Variants in F2 observed in about 807,000 individuals in gnomAD.
The protein encoded by F2 is coagulation factor II, thrombin, also known as prothrombin.
F2 carries 34 observed loss-of-function variants against 81.9 expected under a neutral mutation model. The observed-to-expected ratio is 0.42, with a 90% CI of 0.32 to 0.55. The LOEUF (loss-of-function observed/expected upper bound fraction) is 0.55, where lower values mean the gene tolerates loss of function less well. Ranked by LOEUF, F2 falls within the 20% of genes least tolerant of loss-of-function variation. F2 has a pLI of 0.18. For missense variants in F2, 630 were observed against 833.4 expected (o/e 0.76, Z 3.00); for synonymous variants, 296 against 326.4 (o/e 0.91, Z 1.01).
chr11:46,720,656 T>G, intron 3 of F2, 109 bp downstream of exon 3: 1 of 1,500,634 alleles, frequency 6.7e-7, no homozygotes, highest in South Asian at 1.1e-5. Context: ...CATCCACCCC[T>G]TCCCCACTCC....
intron 4 of F2, among the ~76,000 whole-genome samples, chr11:46,721,905 C>T (rs1384003306): frequency 2.0e-5 from 3 of 151,370 alleles, no homozygotes; most frequent in South Asian, 2.1e-4. Flanking sequence ...TGCAGCAGCG[C>T]GATCTCGGCT....
rs1283568655 is a variant in F2, at chr11:46,739,253, TTTC to T, written c.1726-5_1726-3del. 2.5e-6 allele frequency: 4 copies of T among 1,613,856 alleles called. No homozygotes were observed. The highest frequency in any genetic ancestry group is 4.5e-5 in the East Asian group (2 of 44,880). On this transcript the variant is annotated splice_polypyrimidine_tract_variant and intron_variant, in intron 13 of 13. Transcript: ENST00000311907. ...ACTTGACTCTATTGGAAACCTCATC[TTTC>T]TTCTTCAGAGCCCCTTTAACAACCG...
rs374039582 is a variant in F2 at position 46,739,342 on chromosome 11, C to T, written c.1803C>T (p.Gly601=). ...GCTGTGACCGGGATGGGAAATATGG[C>T]TTCTACACACATGTGTTCCGCCTGA... ...GEGCDRDGKY[G]FYTHVFRLKK... Residue 601 remains glycine (G), a synonymous_variant, in exon 14 of 14, where the codon GGC becomes GGT. Coordinates refer to ENST00000311907, the MANE Select transcript of F2 (RefSeq NM_000506.5). The T allele has an allele frequency of 3.1e-6, 5 of 1,614,150 alleles. No individual in the cohort carries two copies. In the African/African-American group the frequency reaches 6.7e-5, roughly 22 times the overall value.
intron 12 of F2, among the ~76,000 whole-genome samples, chr11:46,737,127 GA>G (rs1215056868): frequency 6.6e-6 from 1 of 152,084 alleles, no homozygotes; most frequent in East Asian, 1.9e-4. Flanking sequence ...TTTGATTTAT[GA>G]AATTATTAGG....
In F2 at chr11:46,739,307, TG is replaced by T. The variant is rs1263982806; in HGVS notation, c.1772del (p.Gly591ValfsTer19). On this transcript the variant is annotated frameshift_variant, in exon 14 of 14. Transcript: ENST00000311907. LOFTEE classifies it high-confidence loss of function. ...NRWYQMGIVSWGEGCDRDGKY... is the reference protein window; with the variant it reads ...NRWYQMGIVSXGEGCDRDGKY... ...CTGGTATCAAATGGGCATCGTCTCA[TG>T]GGGTGAAGGCTGTGACCGGGATGGG... 1.2e-6 allele frequency: 2 copies of T among 1,614,090 alleles called. No individual in the cohort carries two copies. Among genetic ancestry groups the T allele is most frequent in the African/African-American group, 1.3e-5 (1 of 75,010 alleles).
At chr11:46,720,423 T>C in intron 2 of F2, 100 bp from the exon 3 acceptor site, 1 of 1,384,754 alleles carries the variant, frequency 7.2e-7, no homozygotes, top group Non-Finnish European at 1.0e-6. Context: ...GCCCCCTGCG[T>C]GACCAGGGTA....
At position 46,739,481 on chromosome 11, in the gene F2, T is replaced by A; in HGVS notation, c.*73T>A. On this transcript the variant is annotated 3_prime_UTR_variant, in exon 14 of 14. Coordinates refer to ENST00000311907, the MANE Select transcript of F2 (RefSeq NM_000506.5). ...TATTTTTGTGTTTCTAAAACTATGG[T>A]TCCCAATAAAAGTGACTCTCAGCGA... 6.3e-7 allele frequency: 1 copy of A among 1,597,892 alleles called. No homozygotes were observed. Among genetic ancestry groups the A allele is most frequent in the East Asian group, 2.2e-5 (1 of 44,810 alleles).
Position 46,723,066 on chromosome 11 carries a change from C to A in F2, c.317-114C>A, listed in dbSNP as rs3136522. On this transcript the variant is annotated intron_variant, in intron 4 of 13. Coordinates refer to ENST00000311907, the MANE Select transcript of F2 (RefSeq NM_000506.5). This position sits in a 1 kb window ranked among gnomAD's most constrained non-coding sequence, Gnocchi z 5.6. ...CAGAGGAAGAGGGGCTGGGTGAATG[C>A]AGGTTCAGGATTGTGGACCTGCATG... 2.3e-6 allele frequency: 2 copies of A among 875,930 alleles called. No homozygotes were observed. The highest frequency in any genetic ancestry group is 3.9e-6 in the Non-Finnish European group (2 of 508,342). 54.3% of individuals were successfully genotyped at this position (875,930 alleles called of 1,614,324 possible).
chr11:46,729,536 C>T lies in F2; in HGVS notation c.1629C>T (p.Arg543=). ...TCTGCAAGGACTCCACCCGGATCCG[C>T]ATCACTGACAACATGTTCTGTGCTG... ...RPVCKDSTRI[R]ITDNMFCAGY... Residue 543 remains arginine, a synonymous_variant, in exon 12 of 14, where the codon CGC becomes CGT. Coordinates refer to ENST00000311907, the MANE Select transcript of F2 (RefSeq NM_000506.5). 1 of 1,613,734 alleles carries T rather than the reference C, an allele frequency of 6.2e-7. No homozygotes were observed. The highest frequency in any genetic ancestry group is 8.5e-7 in the Non-Finnish European group (1 of 1,179,692).
chr11:46,739,176 CTCTAGTA>C, intron 13 of F2, 58 bp downstream of exon 13: 2 of 1,613,452 alleles, frequency 1.2e-6, no homozygotes, highest in Non-Finnish European at 1.7e-6. Flanking sequence ...TGGGGAGAAA[CTCTAGTA>C]TCTAGAAACA....
rs370819135 is a variant in F2, at chr11:46,726,505, C to T, written c.882C>T (p.Ala294=). The T allele has an allele frequency of 1.4e-5, 22 of 1,613,502 alleles. No individual in the cohort carries two copies. Among genetic ancestry groups the T allele is most frequent in the African/African-American group, 6.7e-5 (5 of 74,918 alleles). The change falls in exon 8 of 14, where the codon GCC becomes GCT. Residue 294 remains alanine, a synonymous_variant. Transcript: ENST00000311907. This position sits in a 1 kb window ranked among gnomAD's most constrained non-coding sequence, Gnocchi z 5.9. ...GYCDLNYCEE[A]VEEETGDGLD... is the part of the protein sequence containing the mutation. ...GTGCCTGGGTCCCAACAGAGGAGGC[C>T]GTGGAGGAGGAGACAGGAGATGGGC...
chr11:46,729,860 C>T (rs924523019), intron 12 of F2, among the ~76,000 whole-genome samples: 5 of 152,086 alleles, frequency 3.3e-5, no homozygotes, highest in Non-Finnish European at 5.9e-5. Context: ...ATTTATTGAG[C>T]GCCTATCACG....
In F2 at chr11:46,723,633, G is replaced by A. The variant is rs1208938022; in HGVS notation, c.559+115G>A. 3.3e-5 allele frequency: 44 copies of A among 1,340,934 alleles called. No homozygotes were observed. Among genetic ancestry groups the A allele is most frequent in the East Asian group, 2.3e-4 (9 of 39,620 alleles). 83.1% of individuals were successfully genotyped at this position (1,340,934 alleles called of 1,614,324 possible). A position where few individuals can be genotyped will look rare whatever the true frequency, so the allele number is the denominator to read the frequency against. On this transcript the variant is annotated intron_variant, in intron 6 of 13. Transcript: ENST00000311907. This position sits in a 1 kb window ranked among gnomAD's most constrained non-coding sequence, Gnocchi z 5.6. Reference sequence around the variant, plus strand: ...TACCCAGGCACAGTGGCTCATGCCCGTAATCCCAGCACTTTGGGAGGCTGA... The same window carrying A: ...TACCCAGGCACAGTGGCTCATGCCCATAATCCCAGCACTTTGGGAGGCTGA...
In F2 at chr11:46,739,480, G is replaced by T. The variant is rs2064965186; in HGVS notation, c.*72G>T. On this transcript the variant is annotated 3_prime_UTR_variant, in exon 14 of 14. Transcript: ENST00000311907. ...TTATTTTTGTGTTTCTAAAACTATG[G>T]TTCCCAATAAAAGTGACTCTCAGCG... The T allele has an allele frequency of 1.3e-6, 2 of 1,598,904 alleles. No homozygotes were observed. Among genetic ancestry groups the T allele is most frequent in the Non-Finnish European group, 1.7e-6 (2 of 1,170,820 alleles).
chr11:46,734,743 G>A (rs753299049), intron 12 of F2, among the ~76,000 whole-genome samples: 5 of 152,114 alleles, frequency 3.3e-5, no homozygotes, highest in Admixed American at 1.3e-4. Flanking sequence ...CCTGGGAGGC[G>A]GAGGTTGCAG....
At position 46,728,517 on chromosome 11, in the gene F2, A is replaced by G. The variant is rs1353883963; in HGVS notation, c.1299-147A>G. On this transcript the variant is annotated intron_variant, in intron 10 of 13. Transcript: ENST00000311907. The surrounding 1 kb of genome is among the most constrained non-coding windows in gnomAD (Gnocchi z 5.1). ...GCTTTAGGCCCAGGAAGAAACACCC[A>G]GGGGGCTGCCATGGCAGGAACCAGC... 1 of 892,688 alleles carries G rather than the reference A, an allele frequency of 1.1e-6. No individual in the cohort carries two copies. The highest frequency in any genetic ancestry group is 1.5e-5 in the South Asian group (1 of 65,928). The allele number at this position is 892,688 out of a possible 1,614,324, so 55.3% of individuals were successfully genotyped here.
At chr11:46,732,882 G>A (rs948509688) in intron 12 of F2, among the ~76,000 whole-genome samples, 2 of 152,076 alleles carry the variant, frequency 1.3e-5, no homozygotes, top group Non-Finnish European at 2.9e-5. Flanking sequence ...TGTAGTGTTG[G>A]AACCAGCCAT....
Position 46,726,503 on chromosome 11 carries a change from G to T in F2, c.880G>T (p.Ala294Ser), listed in dbSNP as rs760734520. ...CGGTGCCTGGGTCCCAACAGAGGAGGCCGTGGAGGAGGAGACAGGAGATGG... is the reference window on the plus strand; with the variant it reads ...CGGTGCCTGGGTCCCAACAGAGGAGTCCGTGGAGGAGGAGACAGGAGATGG... ...GYCDLNYCEEAVEEETGDGLD... is the reference protein window; with the variant it reads ...GYCDLNYCEESVEEETGDGLD... Residue 294 changes from alanine (A) to serine (S), a missense_variant, in exon 8 of 14, where the codon GCC becomes TCC. By Grantham distance (99) the Ala-to-Ser change is moderately conservative. Coordinates refer to ENST00000311907, the MANE Select transcript of F2 (RefSeq NM_000506.5). The surrounding 1 kb of genome is among the most constrained non-coding windows in gnomAD (Gnocchi z 5.9). 6.2e-7 allele frequency: 1 copy of T among 1,613,720 alleles called. No individual in the cohort carries two copies. The highest frequency in any genetic ancestry group is 1.1e-5 in the South Asian group (1 of 91,032).
chr11:46,727,968 T>A, intron 9 of F2, 28 bp from the exon 10 acceptor site: 2 of 1,595,808 alleles, frequency 1.3e-6, no homozygotes, highest in Non-Finnish European at 8.5e-7. Flanking sequence ...CATCCTCAGC[T>A]CCTAATGCTT....
Sources: allele counts gnomAD v4.1 joint callset (sites outside exome capture counted in the v4.1 genomes callset), GRCh38; gene constraint gnomAD v4.1.1; non-coding constraint Gnocchi (gnomAD v3.1); transcripts MANE v1.5; gene names NCBI Gene and HGNC (gene_info 2026-07-23, HGNC 2026-07-21).